GPR158: variants seen among roughly 807,000 people sequenced by gnomAD.
The protein encoded by GPR158 is metabotropic glycine receptor.
In GPR158, 30 loss-of-function variants were observed where a neutral mutation model predicts 78.2. That is an observed-to-expected ratio of 0.38 (90% CI 0.29 to 0.52). GPR158 has a LOEUF of 0.52. Among genes scored for constraint, GPR158 ranks in the 20% least tolerant of loss-of-function variants. The pLI is 0.83. For synonymous variants in GPR158, 581 were observed against 591.1 expected, an observed-to-expected ratio of 0.98 and a Z score of 0.25; for missense variants, 1,463 against 1,523.5, an observed-to-expected ratio of 0.96 and a Z score of 0.66.
chr10:25,567,058 A>C (rs1254774204), intron 6 of GPR158, among the ~76,000 whole-genome samples: 1 of 152,056 alleles, frequency 6.6e-6, no homozygotes, highest in Non-Finnish European at 1.5e-5. Flanking sequence ...ACTCTAAAGA[A>C]GAAGCTCAGG....
chr10:25,239,909 A>G (rs1428165143), intron 2 of GPR158, among the ~76,000 whole-genome samples: 1 of 152,198 alleles, frequency 6.6e-6, no homozygotes, highest in African/African-American at 2.4e-5. Context: ...TCTATTGAAT[A>G]CCAACTCTAA....
At chr10:25,281,495 T>C (rs754514804) in intron 2 of GPR158, among the ~76,000 whole-genome samples, 4 of 151,904 alleles carry the variant, frequency 2.6e-5, no homozygotes, top group Non-Finnish European at 5.9e-5. Context: ...AGAGGACTGC[T>C]TGAACCCAGG....
chr10:25,189,802 T>A (rs1391599185), intron 1 of GPR158, among the ~76,000 whole-genome samples: 66 of 127,408 alleles, frequency 5.2e-4, no homozygotes, highest in Non-Finnish European at 8.3e-4. Context: ...AAAAAACCTT[T>A]AAAAAAAAAA....
At chr10:25,381,314 A>C (rs1478877060) in intron 2 of GPR158, among the ~76,000 whole-genome samples, 2 of 136,906 alleles carry the variant, frequency 1.5e-5, no homozygotes, top group Non-Finnish European at 3.2e-5. Flanking sequence ...GTGAGAGCCA[A>C]ATTGCTCTGG....
chr10:25,322,848 TTTTG>T (rs1029881482), intron 2 of GPR158, among the ~76,000 whole-genome samples: 6 of 151,870 alleles, frequency 4.0e-5, no homozygotes, highest in African/African-American at 1.5e-4. Context: ...AAGTCTTTTT[TTTTG>T]TTTGTTTGTT....
intron 2 of GPR158, among the ~76,000 whole-genome samples, chr10:25,251,883 C>T (rs1157900738): frequency 6.6e-6 from 1 of 151,864 alleles, no homozygotes; most frequent in East Asian, 1.9e-4. Context: ...TGGGGAAGTT[C>T]TCCTGGATAA....
intron 2 of GPR158, among the ~76,000 whole-genome samples, chr10:25,246,265 T>A (rs1278476249): frequency 6.6e-6 from 1 of 152,186 alleles, no homozygotes; most frequent in Non-Finnish European, 1.5e-5. Context: ...CACAGAAATA[T>A]AAATATTATC....
At chr10:25,551,651 T>C (rs1836726299) in intron 6 of GPR158, among the ~76,000 whole-genome samples, 1 of 152,024 alleles carries the variant, frequency 6.6e-6, no homozygotes, top group African/African-American at 2.4e-5. Flanking sequence ...CACCTAAATA[T>C]TGGGGTGGGG....
chr10:25,200,289 G>C (rs1288064916), intron 1 of GPR158, among the ~76,000 whole-genome samples: 1 of 151,822 alleles, frequency 6.6e-6, no homozygotes, highest in Non-Finnish European at 1.5e-5. Context: ...TTTTTCATGT[G>C]CTCATTAGCC....
chr10:25,416,331 A>G (rs921124170), intron 4 of GPR158, among the ~76,000 whole-genome samples: 4 of 152,200 alleles, frequency 2.6e-5, no homozygotes, highest in Non-Finnish European at 4.4e-5. Context: ...GCAATCGCAG[A>G]TATTTCTGTG....
At chr10:25,359,524 C>G (rs1057423792) in intron 2 of GPR158, among the ~76,000 whole-genome samples, 1 of 151,958 alleles carries the variant, frequency 6.6e-6, no homozygotes, top group African/African-American at 2.4e-5. Flanking sequence ...TTTTCTCTTC[C>G]TGTGTCAGTT....
At chr10:25,361,236 T>C (rs1426721308) in intron 2 of GPR158, among the ~76,000 whole-genome samples, 1 of 152,012 alleles carries the variant, frequency 6.6e-6, no homozygotes, top group Non-Finnish European at 1.5e-5. Context: ...GTCCTCAATG[T>C]TCAACTATGT....
At chr10:25,398,941 G>A (rs145661447) in intron 3 of GPR158, among the ~76,000 whole-genome samples, 69 of 152,336 alleles carry the variant, frequency 4.5e-4, no homozygotes, top group African/African-American at 1.6e-3. Flanking sequence ...TTCATGGCCT[G>A]TTAGGAACCA....
At position 25,266,501 on chromosome 10, in the gene GPR158, G is replaced by A. The variant is rs559606210; in HGVS notation, c.1008+45344G>A. 6.6e-5 allele frequency among the ~76,000 whole-genome samples: 10 copies of A among 152,176 alleles called. No individual in the cohort carries two copies. The South Asian group carries it at 1.2e-3, about 19-fold the overall frequency. On this transcript the variant is annotated intron_variant, in intron 2 of 10. Transcript: ENST00000376351. ...CTGGATTTTCTTTCTAATGGGATTC[G>A]GTTCCATTTAATGGAATTAAACAAA...
At chr10:25,302,373 C>T (rs60352386) in intron 2 of GPR158, among the ~76,000 whole-genome samples, 10,906 of 152,052 alleles carry the variant, frequency 0.072, 698 homozygotes, top group African/African-American at 0.16. Flanking sequence ...CGTGAGCCAC[C>T]GCGCCCGGCC....
At chr10:25,569,556 A>G (rs1836976284) in intron 6 of GPR158, among the ~76,000 whole-genome samples, 2 of 152,096 alleles carry the variant, frequency 1.3e-5, no homozygotes, top group Admixed American at 1.3e-4. Flanking sequence ...TTAACTTGAA[A>G]ACTCCCTAGG....
chr10:25,586,350 G>T (rs1837265779), intron 7 of GPR158, among the ~76,000 whole-genome samples: 1 of 151,160 alleles, frequency 6.6e-6, no homozygotes. Flanking sequence ...TCTTCCTTTG[G>T]GACAGGAATT....
intron 1 of GPR158, among the ~76,000 whole-genome samples, chr10:25,203,394 A>G (rs891269110): frequency 6.6e-6 from 1 of 152,146 alleles, no homozygotes; most frequent in Non-Finnish European, 1.5e-5. Flanking sequence ...TAGGTCTAAC[A>G]TTTAAGTCTT....
At chr10:25,422,628 C>CAAA (rs10634150) in intron 4 of GPR158, among the ~76,000 whole-genome samples, 3,232 of 143,156 alleles carry the variant, frequency 0.023, 75 homozygotes, top group African/African-American at 0.051. Context: ...ATTGTATTTG[C>CAAA]AAAAAAAAAA....
Sources: allele counts gnomAD v4.1 joint callset (sites outside exome capture counted in the v4.1 genomes callset), GRCh38; gene constraint gnomAD v4.1.1; transcripts MANE v1.5; gene names NCBI Gene and HGNC (gene_info 2026-07-23, HGNC 2026-07-21).